TTC17: variants seen among roughly 807,000 people sequenced by gnomAD.
TTC17 encodes tetratricopeptide repeat protein 17.
Under a neutral mutation model 143.8 loss-of-function variants are expected in TTC17, and 58 were observed. The ratio of observed to expected loss-of-function variants is 0.40; its 90% CI spans 0.33 to 0.50. The LOEUF is 0.50. Ranked by LOEUF, TTC17 falls within the 20% of genes least tolerant of loss-of-function variation. The pLI is 0.49. For missense variants in TTC17, 1,273 were observed against 1,392.5 expected (o/e 0.91, Z 1.37); for synonymous variants, 501 against 497.8 (o/e 1.01, Z -0.09).
chr11:43,447,273 A>G (rs1947564074), intron 18 of TTC17, among the ~76,000 whole-genome samples: 1 of 152,240 alleles, frequency 6.6e-6, no homozygotes, highest in Non-Finnish European at 1.5e-5. Context: ...GAGGTTAAGG[A>G]TGTAAAGCAC....
At chr11:43,482,707 T>G (rs1030529388) in intron 21 of TTC17, among the ~76,000 whole-genome samples, 23 of 152,270 alleles carry the variant, frequency 1.5e-4, no homozygotes, top group Admixed American at 1.4e-3. Flanking sequence ...AAGCTCCTGA[T>G]AGTATTGTTT....
At chr11:43,383,289 A>G (rs934905362) in intron 2 of TTC17, among the ~76,000 whole-genome samples, 1 of 152,204 alleles carries the variant, frequency 6.6e-6, no homozygotes, top group Non-Finnish European at 1.5e-5. Flanking sequence ...AGACAAATCA[A>G]CCAATTGCAG....
intron 1 of TTC17, among the ~76,000 whole-genome samples, chr11:43,362,956 TCTC>T (rs1371064777): frequency 1.3e-5 from 2 of 152,268 alleles, no homozygotes; most frequent in African/African-American, 4.8e-5. Flanking sequence ...CCCGTCTTCT[TCTC>T]CTCTCCGCTC....
At chr11:43,476,576 C>T (rs1265150077) in intron 21 of TTC17, among the ~76,000 whole-genome samples, 1 of 152,230 alleles carries the variant, frequency 6.6e-6, no homozygotes, top group Non-Finnish European at 1.5e-5. Flanking sequence ...ACAGGCTCAA[C>T]ACCACATGGA....
chr11:43,450,182 T>C lies in TTC17; in HGVS notation c.2887T>C (p.Leu963=). Residue 963 remains leucine, a synonymous_variant, in exon 20 of 24, where the codon TTG becomes CTG. Transcript: ENST00000039989. ...LPTSMHTLDH[L]HGVSNRASLH... ...CACGAGTATGCATACCCTGGACCAC[T>C]TGCATGGGGTTTCCAACCGAGCCAG... 6.2e-7 allele frequency: 1 copy of C among 1,614,110 alleles called. No homozygotes were observed.
At chr11:43,379,365 A>C (rs753791680) in intron 2 of TTC17, 43 bp downstream of exon 2, 1 of 1,526,788 alleles carries the variant, frequency 6.5e-7, no homozygotes, top group South Asian at 1.2e-5. Context: ...TGCTTGTTGC[A>C]TTTCACAGGA....
intron 18 of TTC17, chr11:43,446,074 A>G: frequency 6.6e-7 from 1 of 1,509,044 alleles, no homozygotes; most frequent in African/African-American, 1.4e-5. Context: ...CCTACAGGAT[A>G]AAATTCAAAC....
At chr11:43,427,768 C>T (rs945880759) in intron 16 of TTC17, among the ~76,000 whole-genome samples, 2 of 152,120 alleles carry the variant, frequency 1.3e-5, no homozygotes, top group African/African-American at 2.4e-5. Flanking sequence ...TAACAAGACT[C>T]CTAGCTCCTT....
chr11:43,421,520 C>G (rs552265394), intron 16 of TTC17, among the ~76,000 whole-genome samples: 1 of 152,308 alleles, frequency 6.6e-6, no homozygotes, highest in Admixed American at 6.5e-5. Context: ...CAGTCAGTCC[C>G]CATCACTCGC....
chr11:43,405,971 G>A lies in TTC17; in HGVS notation c.1761+20G>A. ...CGAAAAGTAAGGCTCACTTAGGCTG[G>A]TATTTATTGCCGTCCATTCTGGGTG... On this transcript the variant is annotated intron_variant, in intron 13 of 23. Transcript: ENST00000039989. 6.2e-7 allele frequency: 1 copy of A among 1,606,814 alleles called. No homozygotes were observed. The highest frequency in any genetic ancestry group is 2.2e-5 in the East Asian group (1 of 44,820).
chr11:43,430,646 GCTTT>G (rs1435274505), intron 16 of TTC17, among the ~76,000 whole-genome samples: 1 of 149,258 alleles, frequency 6.7e-6, no homozygotes, highest in Non-Finnish European at 1.5e-5. Context: ...ATTAATCGCT[GCTTT>G]CTTCTAAAAG....
intron 15 of TTC17, among the ~76,000 whole-genome samples, chr11:43,411,581 T>C (rs941326284): frequency 1.3e-5 from 2 of 152,204 alleles, no homozygotes; most frequent in Non-Finnish European, 2.9e-5. Flanking sequence ...TTCAAAACTA[T>C]GCCTGCAACA....
chr11:43,401,483 T>C lies in TTC17; in HGVS notation c.1257T>C (p.His419=), dbSNP rs1857853337. Residue 419 remains histidine, a synonymous_variant, in exon 10 of 24, where the codon CAT becomes CAC. Coordinates refer to ENST00000039989, the MANE Select transcript of TTC17 (RefSeq NM_018259.6). The part of the protein sequence containing the change: ...HQICRLVNQQ[H]SLHCQWDQPV... ...TATGCCGACTGGTCAACCAGCAGCA[T>C]AGTTTACATTGCCAGTGGGACCAGC... is the stretch of plus-strand genomic sequence containing the variant. 6.2e-7 allele frequency: 1 copy of C among 1,613,484 alleles called. No individual in the cohort carries two copies. The highest frequency in any genetic ancestry group is 8.5e-7 in the Non-Finnish European group (1 of 1,179,792).
At chr11:43,452,974 T>C (rs1031142710) in intron 21 of TTC17, among the ~76,000 whole-genome samples, 2 of 151,634 alleles carry the variant, frequency 1.3e-5, no homozygotes, top group Admixed American at 1.3e-4. Context: ...AGCAAAAATA[T>C]AAAAACACAG....
intron 21 of TTC17, among the ~76,000 whole-genome samples, chr11:43,453,006 T>TA (rs1947692981): frequency 6.6e-6 from 1 of 151,870 alleles, no homozygotes; most frequent in African/African-American, 2.4e-5. Context: ...GCAATGGATA[T>TA]AAAAACAGGA....
chr11:43,438,910 A>C (rs190180982), intron 16 of TTC17, among the ~76,000 whole-genome samples: 61 of 152,352 alleles, frequency 4.0e-4, no homozygotes, highest in African/African-American at 1.4e-3. Context: ...TACTCCAGGT[A>C]TGATGATCCC....
At chr11:43,400,133 A>G in intron 9 of TTC17, 85 bp downstream of exon 9, 1 of 1,451,320 alleles carries the variant, frequency 6.9e-7, no homozygotes, top group Non-Finnish European at 9.3e-7. Context: ...TTGTAGCCTT[A>G]AAGCAGTGTG....
chr11:43,491,827 G>A (rs560010601), intron 22 of TTC17, 193 bp from the exon 23 acceptor site: 18 of 614,824 alleles, frequency 2.9e-5, no homozygotes, highest in Non-Finnish European at 4.7e-5. Context: ...AATGAAAGAA[G>A]TAATTGATTT....
At chr11:43,488,817 C>T (rs568288940) in intron 21 of TTC17, among the ~76,000 whole-genome samples, 2 of 152,236 alleles carry the variant, frequency 1.3e-5, no homozygotes, top group South Asian at 2.1e-4. Context: ...CCTCCTGCCT[C>T]AGCCTCCTAA....
Sources: gnomAD v4.1 joint callset for allele counts (sites outside exome capture counted in the v4.1 genomes callset) on GRCh38, gnomAD v4.1.1 for gene constraint, MANE v1.5 for transcripts, NCBI Gene and HGNC (gene_info 2026-07-23, HGNC 2026-07-21) for gene names.